The following TG variants were observed in gnomAD, a reference collection of about 807,000 sequenced individuals.
TG encodes the protein thyroid hormones.
TG carries 270 observed loss-of-function variants against 324.7 expected under a neutral mutation model. That is an observed-to-expected ratio of 0.83 (90% CI 0.75 to 0.92). The LOEUF (loss-of-function observed/expected upper bound fraction) is 0.92. TG is among the 40% of genes least tolerant of loss of function. The pLI, the probability that TG is intolerant of heterozygous loss-of-function variation, is 0.00. For missense variants in TG, 3,591 were observed against 3,456.4 expected (o/e 1.04, Z -0.98); for synonymous variants, 1,401 against 1,327.0 (o/e 1.06, Z -1.21).
chr8:132,893,859 G>A lies in TG; in HGVS notation c.2931G>A (p.Pro977=). 2.5e-6 allele frequency: 4 copies of A among 1,614,036 alleles called. No individual in the cohort carries two copies. The highest frequency in any genetic ancestry group is 1.1e-5 in the South Asian group (1 of 91,088). Reference sequence around the variant, plus strand: ...ACCTCGGCCTTCCTCCGCTCTTCCCGCCCCGGGAGGCTTTCGCGGAGCAGT... The same window carrying A: ...ACCTCGGCCTTCCTCCGCTCTTCCCACCCCGGGAGGCTTTCGCGGAGCAGT... The part of the protein sequence containing the change: ...NEDLGLPPLF[P]PREAFAEQFL... Residue 977 remains proline (P), a synonymous_variant, in exon 11 of 48, where the codon CCG becomes CCA. Transcript: ENST00000220616.
chr8:132,904,317 A>G (rs1437433689), intron 16 of TG, among the ~76,000 whole-genome samples: 1 of 152,224 alleles, frequency 6.6e-6, no homozygotes, highest in Non-Finnish European at 1.5e-5. Context: ...AATCACCAAC[A>G]CATGTCCCCA....
intron 35 of TG, among the ~76,000 whole-genome samples, chr8:132,993,229 AC>A (rs1336907251): frequency 6.6e-6 from 1 of 152,240 alleles, no homozygotes; most frequent in Non-Finnish European, 1.5e-5. Context: ...AAAGTGATCA[AC>A]TAACTTTTGT....
intron 41 of TG, chr8:133,051,027 C>A (rs1348737949): frequency 1.5e-6 from 1 of 661,162 alleles, no homozygotes; most frequent in Non-Finnish European, 2.7e-6. Context: ...GCAGGAAATA[C>A]CTTTCTTGTT....
chr8:132,938,077 C>G (rs559390991), intron 25 of TG, among the ~76,000 whole-genome samples: 12 of 152,260 alleles, frequency 7.9e-5, no homozygotes, highest in African/African-American at 2.9e-4. Context: ...TCAGGAACAA[C>G]TTCTTTATTT....
chr8:132,960,963 T>C (rs1266731860), intron 27 of TG, 45 bp from the exon 28 acceptor site: 8 of 1,590,610 alleles, frequency 5.0e-6, no homozygotes, highest in Non-Finnish European at 6.9e-6. Context: ...GGGTACCCAG[T>C]GACAGCACAC....
chr8:132,923,016 G>C (rs1821323753), intron 21 of TG, among the ~76,000 whole-genome samples: 1 of 152,186 alleles, frequency 6.6e-6, no homozygotes, highest in African/African-American at 2.4e-5. Flanking sequence ...AAGACTGGGG[G>C]AGCTGTGGGC....
chr8:132,952,349 G>A (rs965126092), intron 27 of TG, among the ~76,000 whole-genome samples: 1 of 152,168 alleles, frequency 6.6e-6, no homozygotes, highest in African/African-American at 2.4e-5. Context: ...CTAGCTCTGT[G>A]ACCTTATTCA....
intron 41 of TG, among the ~76,000 whole-genome samples, chr8:133,043,243 G>T (rs1838657673): frequency 3.3e-5 from 5 of 152,046 alleles, no homozygotes; most frequent in Admixed American, 3.3e-4. Flanking sequence ...GGTATTTTTG[G>T]CCTGGTAGCC....
intron 31 of TG, 102 bp from the exon 32 acceptor site, chr8:132,969,356 T>G: frequency 1.2e-6 from 1 of 850,460 alleles, no homozygotes; most frequent in Non-Finnish European, 2.0e-6. Context: ...ATATGTCATC[T>G]TTAATTGGAA....
chr8:133,114,419 T>C (rs980941660), intron 44 of TG, among the ~76,000 whole-genome samples: 1 of 152,216 alleles, frequency 6.6e-6, no homozygotes, highest in Non-Finnish European at 1.5e-5. Flanking sequence ...GGGACAGACC[T>C]GCCTCCCTCT....
intron 45 of TG, among the ~76,000 whole-genome samples, chr8:133,127,106 G>A (rs904229435): frequency 5.3e-5 from 8 of 152,102 alleles, no homozygotes; most frequent in Non-Finnish European, 1.0e-4. Flanking sequence ...GCTTCCCCAT[G>A]CAAAACAGTG....
chr8:132,939,155 A>G (rs2129848953), intron 25 of TG, among the ~76,000 whole-genome samples: 1 of 152,164 alleles, frequency 6.6e-6, no homozygotes. Context: ...ACTCCAGAGC[A>G]GCACCGTCCA....
Position 132,888,491 on chromosome 8 carries a change from T to G in TG, c.2684T>G (p.Leu895Arg). 1 of 1,610,214 alleles carries G rather than the reference T, an allele frequency of 6.2e-7. No homozygotes were observed. Among genetic ancestry groups the G allele is most frequent in the Non-Finnish European group, 8.5e-7 (1 of 1,178,214 alleles). Reference sequence around the variant, plus strand: ...AGCACTCCTTTGGCACATTTTGATCTTCGGAACTGCTGGTGTGTGGATGAG... The same window carrying G: ...AGCACTCCTTTGGCACATTTTGATCGTCGGAACTGCTGGTGTGTGGATGAG... ...DFSTPLAHFD[L>R]RNCWCVDEAG... The change falls in exon 10 of 48, where the codon CTT becomes CGT. Residue 895 changes from leucine to arginine, a missense_variant. Physicochemically the swap from Leu to Arg is moderately radical, Grantham distance 102 (BLOSUM62 -2). Transcript: ENST00000220616.
chr8:132,972,984 G>A (rs1490737856), intron 34 of TG, among the ~76,000 whole-genome samples: 1 of 152,198 alleles, frequency 6.6e-6, no homozygotes, highest in Non-Finnish European at 1.5e-5. Context: ...TTCCATGGAT[G>A]TATGTAACAA....
chr8:132,988,636 T>C, intron 35 of TG: 1 of 902,754 alleles, frequency 1.1e-6, no homozygotes, highest in African/African-American at 1.8e-5. Context: ...TGGATAAAAA[T>C]TGTTTTATAA....
chr8:133,037,755 A>G (rs1837356606), intron 41 of TG: 1 of 152,166 alleles, frequency 6.6e-6, no homozygotes, highest in African/African-American at 2.4e-5. Context: ...ATCCCAGAGA[A>G]GCTCTGTCTG....
chr8:132,992,809 T>C (rs1832503624), intron 35 of TG, among the ~76,000 whole-genome samples: 1 of 152,126 alleles, frequency 6.6e-6, no homozygotes, highest in African/African-American at 2.4e-5. Context: ...CCAAAGTAGC[T>C]CCCTTCTGCA....
intron 16 of TG, among the ~76,000 whole-genome samples, chr8:132,905,637 C>T (rs1476831614): frequency 6.6e-6 from 1 of 152,096 alleles, no homozygotes; most frequent in Non-Finnish European, 1.5e-5. Context: ...TGAGCTGTGT[C>T]TGGGGCAGCT....
chr8:133,112,143 AGGG>A (rs1377836787), intron 43 of TG, among the ~76,000 whole-genome samples: 2 of 151,824 alleles, frequency 1.3e-5, no homozygotes, highest in Non-Finnish European at 2.9e-5. Context: ...CCCACCCAGG[AGGG>A]GCTGTTCCCA....
Sources: allele counts gnomAD v4.1 joint callset (sites outside exome capture counted in the v4.1 genomes callset), GRCh38; gene constraint gnomAD v4.1.1; transcripts MANE v1.5; gene names NCBI Gene and HGNC (gene_info 2026-07-23, HGNC 2026-07-21).